The following GABRR1 variants were observed in gnomAD, a reference collection of about 807,000 sequenced individuals.
GABRR1 encodes gamma-aminobutyric acid type A receptor subunit rho1, also known as gamma-aminobutyric acid receptor subunit rho-1.
Under a neutral mutation model 55.5 loss-of-function variants are expected in GABRR1, and 59 were observed. The ratio of observed to expected loss-of-function variants is 1.06; its 90% CI spans 0.86 to 1.32. The LOEUF is 1.32. Ranked by LOEUF, GABRR1 falls within the 40% of genes most tolerant of loss-of-function variation. The probability of loss-of-function intolerance (pLI) is 0.00; values close to 1 mark genes in which losing one functional copy is unlikely to be tolerated. For synonymous variants in GABRR1, 213 were observed against 226.0 expected (o/e 0.94, Z 0.51); for missense variants, 602 against 619.1 (o/e 0.97, Z 0.29).
upstream of GABRR1, among the ~76,000 whole-genome samples, chr6:89,218,718 A>G (rs1031602489): frequency 1.3e-5 from 2 of 152,226 alleles, no homozygotes; most frequent in Non-Finnish European, 2.9e-5. Context: ...GAGGTGTGAC[A>G]AGCCATTTTA....
intron 3 of GABRR1, among the ~76,000 whole-genome samples, chr6:89,200,236 T>TTTC (rs1772421203): frequency 7.1e-6 from 1 of 140,966 alleles, no homozygotes; most frequent in African/African-American, 2.6e-5. Flanking sequence ...ATTATTTCTT[T>TTTC]TTCCCTTTTT....
Position 89,178,779 on chromosome 6 carries a change from A to T in GABRR1, c.1431T>A (p.Ile477=). ...YILFNLIYWS[I]FS ...GTAGAATTACAAGCATCTAGGAGAA[A>T]ATAGACCAGTATATTAAATTGAATA... is the stretch of plus-strand genomic sequence containing the variant. The change falls in exon 10 of 10, where the codon ATT becomes ATA. Residue 477 remains isoleucine, a synonymous_variant. Coordinates refer to ENST00000454853, the MANE Select transcript of GABRR1 (RefSeq NM_002042.5). The T allele has an allele frequency of 6.2e-7, 1 of 1,612,396 alleles. No homozygotes were observed. Among genetic ancestry groups the T allele is most frequent in the Non-Finnish European group, 8.5e-7 (1 of 1,178,386 alleles).
At chr6:89,192,356 C>G (rs1200211161) in intron 5 of GABRR1, among the ~76,000 whole-genome samples, 1 of 152,122 alleles carries the variant, frequency 6.6e-6, no homozygotes, top group South Asian at 2.1e-4. Context: ...AAACTTCTGG[C>G]TCTGCCCCCA....
intron 1 of GABRR1, among the ~76,000 whole-genome samples, chr6:89,208,475 T>C (rs1582401451): frequency 1.3e-5 from 2 of 152,238 alleles, no homozygotes; most frequent in African/African-American, 4.8e-5. Context: ...TCAGTCTAAA[T>C]GTTACTGTGA....
rs1053077272 is a variant in GABRR1 at position 89,179,104 on chromosome 6, C to A, written c.1147-41G>T. 9 of 1,587,506 alleles carry A rather than the reference C, an allele frequency of 5.7e-6. No homozygotes were observed. The African/African-American group carries it at 6.7e-5, about 12-fold the overall frequency. On this transcript the variant is annotated intron_variant, in intron 9 of 9. Transcript: ENST00000454853. ...ACATGTTGGGGTGTGAGCTCAGCATCATCTCTCAGAAGCCCTTCAAAAGGA... is the reference window on the plus strand; with the variant it reads ...ACATGTTGGGGTGTGAGCTCAGCATAATCTCTCAGAAGCCCTTCAAAAGGA...
At chr6:89,190,815 G>A (rs570603923) in intron 5 of GABRR1, among the ~76,000 whole-genome samples, 1 of 152,216 alleles carries the variant, frequency 6.6e-6, no homozygotes, top group Non-Finnish European at 1.5e-5. Flanking sequence ...GAAAAACACT[G>A]AAAGGTCTTA....
At chr6:89,183,232 C>T (rs1273008339) in intron 7 of GABRR1, among the ~76,000 whole-genome samples, 1 of 151,238 alleles carries the variant, frequency 6.6e-6, no homozygotes, top group Non-Finnish European at 1.5e-5. Flanking sequence ...GGGGACTTGG[C>T]AATATGAACT....
chr6:89,215,313 T>A (rs1195240655), intron 1 of GABRR1, among the ~76,000 whole-genome samples: 2 of 152,212 alleles, frequency 1.3e-5, no homozygotes, highest in Non-Finnish European at 2.9e-5. Flanking sequence ...AATGGATGAA[T>A]GGATAAAGAG....
At chr6:89,188,901 A>T (rs1398664575) in intron 6 of GABRR1, among the ~76,000 whole-genome samples, 1 of 152,116 alleles carries the variant, frequency 6.6e-6, no homozygotes, top group Non-Finnish European at 1.5e-5. Context: ...CATCTCAACC[A>T]CCACACGAAC....
rs544453815 is a variant in GABRR1 at position 89,198,849 on chromosome 6, T to C, written c.348+513A>G. On this transcript the variant is annotated intron_variant, in intron 4 of 9. Coordinates refer to ENST00000454853, the MANE Select transcript of GABRR1 (RefSeq NM_002042.5). ...TTCCCAAATAAAGTGCTTATACTTA[T>C]GCTTGTGACTGCTTGTCTCAGGTCT... 4.6e-5 allele frequency among the ~76,000 whole-genome samples: 7 copies of C among 152,256 alleles called. No individual in the cohort carries two copies. In the East Asian group the frequency reaches 1.2e-3, roughly 25 times the overall value.
chr6:89,196,478 C>T (rs143414239), intron 5 of GABRR1, among the ~76,000 whole-genome samples: 287 of 152,070 alleles, frequency 1.9e-3, no homozygotes, highest in Non-Finnish European at 3.3e-3. Flanking sequence ...CCTTGAAAAC[C>T]GGTCTCAGTG....
At chr6:89,186,005 G>T (rs555853098) in intron 6 of GABRR1, among the ~76,000 whole-genome samples, 2 of 152,166 alleles carry the variant, frequency 1.3e-5, no homozygotes, top group Non-Finnish European at 2.9e-5. Context: ...AAGTCGAAGT[G>T]AATCCATGAT....
At chr6:89,230,309 A>G (rs1773263484) in intron 1 of GABRR1, among the ~76,000 whole-genome samples, 1 of 145,858 alleles carries the variant, frequency 6.9e-6, no homozygotes, top group East Asian at 2.0e-4. Flanking sequence ...CTGGTGAGGA[A>G]CTGCGTTCCT....
chr6:89,201,143 A>G lies in GABRR1; in HGVS notation c.280+16T>C, dbSNP rs1039380745. The G allele has an allele frequency of 3.8e-5, 60 of 1,581,570 alleles. No homozygotes were observed. The highest frequency in any genetic ancestry group is 5.0e-5 in the Non-Finnish European group (57 of 1,150,684). ...ACCAGAAGAAAGAGGACACCCTGAG[A>G]GCACACATCCCATACCTCCAAAGCC... On this transcript the variant is annotated intron_variant, in intron 3 of 9. Transcript: ENST00000454853.
chr6:89,217,658 G>A (rs754741139), upstream of GABRR1: 2 of 215,758 alleles, frequency 9.3e-6, no homozygotes, highest in African/African-American at 2.3e-5. Flanking sequence ...CGAATAAAAG[G>A]AAGTAAAAAT....
At chr6:89,180,055 T>G (rs1163610954) in intron 9 of GABRR1, among the ~76,000 whole-genome samples, 2 of 148,026 alleles carry the variant, frequency 1.4e-5, no homozygotes, top group African/African-American at 5.0e-5. Flanking sequence ...TAAGACCTGG[T>G]CCAAGTATGT....
chr6:89,201,295 A>G, intron 2 of GABRR1, 30 bp from the exon 3 acceptor site: 1 of 1,436,082 alleles, frequency 7.0e-7, no homozygotes, highest in African/African-American at 1.4e-5. Flanking sequence ...CAGGCTGATC[A>G]TATATTCCAA....
At chr6:89,209,550 G>A (rs112601158) in intron 1 of GABRR1, among the ~76,000 whole-genome samples, 2,786 of 152,238 alleles carry the variant, frequency 0.018, 57 homozygotes, top group Non-Finnish European at 0.028. Flanking sequence ...AATTGCGGAC[G>A]GAACATCTCT....
rs1041777906 is a variant in GABRR1 at position 89,177,942 on chromosome 6, T to C, written c.*828A>G. ...CTCTACCCAAGTTCCTCAGTGAAGA[T>C]ATCACATCACTGAGAAAGCACTTCT... On this transcript the variant is annotated 3_prime_UTR_variant, in exon 10 of 10. Coordinates refer to ENST00000454853, the MANE Select transcript of GABRR1 (RefSeq NM_002042.5). The C allele has an allele frequency of 2.0e-5, 3 of 152,190 alleles. No individual in the cohort carries two copies. Among genetic ancestry groups the C allele is most frequent in the Non-Finnish European group, 4.4e-5 (3 of 68,042 alleles). 9.4% of individuals were successfully genotyped at this position (152,190 alleles called of 1,614,324 possible).
Sources: allele counts gnomAD v4.1 joint callset (sites outside exome capture counted in the v4.1 genomes callset), GRCh38; gene constraint gnomAD v4.1.1; transcripts MANE v1.5; gene names NCBI Gene and HGNC (gene_info 2026-07-23, HGNC 2026-07-21).